ANKFN1: variants seen among roughly 807,000 people sequenced by gnomAD.
The protein encoded by ANKFN1 is ankyrin repeat and fibronectin type III domain containing 1.
Under a neutral mutation model 108.7 loss-of-function variants are expected in ANKFN1, and 74 were observed. The ratio of observed to expected loss-of-function variants is 0.68; its 90% CI spans 0.56 to 0.83. The LOEUF (loss-of-function observed/expected upper bound fraction) is 0.83. ANKFN1 is among the 40% of genes least tolerant of loss of function. The pLI is 0.00. For synonymous variants in ANKFN1, 547 were observed against 516.2 expected (o/e 1.06, Z -0.81); for missense variants, 1,505 against 1,382.3 (o/e 1.09, Z -1.41).
chr17:56,274,457 C>A (rs544693736), intron 3 of ANKFN1, among the ~76,000 whole-genome samples: 1 of 152,118 alleles, frequency 6.6e-6, no homozygotes, highest in South Asian at 2.1e-4. Context: ...TGGGCGACAG[C>A]GCGAGACTCC....
chr17:56,408,641 G>T (rs1375959257), intron 8 of ANKFN1, among the ~76,000 whole-genome samples: 2 of 152,144 alleles, frequency 1.3e-5, no homozygotes, highest in Non-Finnish European at 2.9e-5. Flanking sequence ...ACTAATGAAA[G>T]ATTTTATTTC....
rs186461493 is a variant in ANKFN1, at chr17:56,494,286, A to G, written c.2427+1933A>G. Among the ~76,000 whole-genome samples the G allele has an allele frequency of 1.2e-4, 19 of 152,328 alleles. No homozygotes were observed. In the East Asian group the frequency reaches 1.7e-3, roughly 14 times the overall value. ...TTTCTCCATTGGTCTGAGAATGTAG[A>G]ATTTAAACATTCAAAACATTTACTT... is the stretch of plus-strand genomic sequence containing the variant. On this transcript the variant is annotated intron_variant, in intron 19 of 20. Coordinates refer to ENST00000682825, the MANE Select transcript of ANKFN1 (RefSeq NM_001370326.1).
At position 56,066,239 on chromosome 17, in the gene ANKFN1, T is replaced by G. The variant is rs368017286; in HGVS notation, c.288+19914T>G. 5.9e-5 allele frequency among the ~76,000 whole-genome samples: 9 copies of G among 152,334 alleles called. No homozygotes were observed. In the East Asian group the frequency reaches 9.6e-4, roughly 16 times the overall value. On this transcript the variant is annotated intron_variant, in intron 4 of 12. Coordinates refer to the ANKFN1 transcript ENST00000635860. ...AGGCAAGTTCCTAAAGGAAGAAGGC[T>G]TGGAGAAATATCACCATTGGGGAAG...
intron 8 of ANKFN1, among the ~76,000 whole-genome samples, chr17:56,412,388 A>G (rs1410426176): frequency 1.3e-5 from 2 of 152,022 alleles, no homozygotes; most frequent in Admixed American, 6.6e-5. Flanking sequence ...ACTTGATTGG[A>G]TTGAAGGATG....
At chr17:56,151,057 A>T (rs1451018068), upstream of ANKFN1, among the ~76,000 whole-genome samples, 1 of 152,038 alleles carries the variant, frequency 6.6e-6, no homozygotes, top group Non-Finnish European at 1.5e-5. Context: ...CCCACTAGGG[A>T]AGTTGTGGCT....
chr17:56,064,903 A>G (rs955754509), intron 4 of ANKFN1, among the ~76,000 whole-genome samples: 5 of 152,190 alleles, frequency 3.3e-5, no homozygotes, highest in African/African-American at 9.7e-5. Flanking sequence ...ATTCTGTGGA[A>G]AAAGCATGGT....
chr17:56,430,039 G>GT (rs1359459457), intron 8 of ANKFN1, among the ~76,000 whole-genome samples: 1 of 152,138 alleles, frequency 6.6e-6, no homozygotes, highest in Non-Finnish European at 1.5e-5. Context: ...ACTTGAGTAG[G>GT]TTTTTGACAA....
At chr17:56,382,922 A>G (rs1425537280) in intron 8 of ANKFN1, among the ~76,000 whole-genome samples, 1 of 152,204 alleles carries the variant, frequency 6.6e-6, no homozygotes, top group African/African-American at 2.4e-5. Context: ...AAGATCAATG[A>G]GACAGGAAGT....
At chr17:56,439,951 A>G (rs2049044431) in intron 8 of ANKFN1, among the ~76,000 whole-genome samples, 1 of 152,162 alleles carries the variant, frequency 6.6e-6, no homozygotes, top group Non-Finnish European at 1.5e-5. Context: ...ACACATACAC[A>G]CACAAATGCA....
intron 3 of ANKFN1, among the ~76,000 whole-genome samples, chr17:56,272,334 C>T (rs2043814467): frequency 6.6e-6 from 1 of 152,122 alleles, no homozygotes; most frequent in African/African-American, 2.4e-5. Flanking sequence ...TTCCTGGGAA[C>T]CACAATTCTA....
intron 2 of ANKFN1, among the ~76,000 whole-genome samples, chr17:56,224,472 A>G (rs1253366978): frequency 6.6e-6 from 1 of 152,200 alleles, no homozygotes; most frequent in Admixed American, 6.5e-5. Context: ...GGTATATAGA[A>G]GATTTTACTC....
At chr17:56,440,032 T>G (rs1043233664) in intron 8 of ANKFN1, among the ~76,000 whole-genome samples, 1 of 152,144 alleles carries the variant, frequency 6.6e-6, no homozygotes, top group African/African-American at 2.4e-5. Context: ...CATCTGACAT[T>G]AAGAACATCA....
At chr17:56,147,929 C>G (rs1454162148) in intron 4 of ANKFN1, among the ~76,000 whole-genome samples, 1 of 152,180 alleles carries the variant, frequency 6.6e-6, no homozygotes, top group Non-Finnish European at 1.5e-5. Flanking sequence ...TCTGCTGGAT[C>G]CTTCTTCTCT....
chr17:56,504,929 T>A (rs146073008), intron 20 of ANKFN1, among the ~76,000 whole-genome samples: 211 of 148,604 alleles, frequency 1.4e-3, no homozygotes, highest in African/African-American at 4.8e-3. Context: ...CGCCTCGGCC[T>A]CCCAAAGTGC....
intron 12 of ANKFN1, 99 bp downstream of exon 12, chr17:56,457,059 A>C: frequency 7.9e-7 from 1 of 1,269,722 alleles, no homozygotes; most frequent in Non-Finnish European, 1.1e-6. Flanking sequence ...TTGTGTTCAA[A>C]ACAATAAAAT....
intron 8 of ANKFN1, among the ~76,000 whole-genome samples, chr17:56,376,377 G>T (rs1362783075): frequency 1.3e-5 from 2 of 152,152 alleles, no homozygotes; most frequent in African/African-American, 4.8e-5. Flanking sequence ...ACTAAGGACA[G>T]CAGATAAATG....
At chr17:56,316,830 T>C (rs893057311) in intron 3 of ANKFN1, among the ~76,000 whole-genome samples, 4 of 152,208 alleles carry the variant, frequency 2.6e-5, no homozygotes, top group African/African-American at 9.7e-5. Flanking sequence ...TCCTGTGCTA[T>C]ACTGTAAGCA....
At chr17:56,367,042 A>T (rs2144744319) in intron 6 of ANKFN1, among the ~76,000 whole-genome samples, 1 of 152,358 alleles carries the variant, frequency 6.6e-6, no homozygotes, top group South Asian at 2.1e-4. Context: ...TAACTCTGAG[A>T]TTAAATGATT....
intron 1 of ANKFN1, among the ~76,000 whole-genome samples, chr17:56,153,979 C>T (rs534302552): frequency 6.6e-6 from 1 of 152,074 alleles, no homozygotes; most frequent in Non-Finnish European, 1.5e-5. Context: ...TTTTTATGGA[C>T]TTTATTGTCA....
Sources: allele counts gnomAD v4.1 joint callset (sites outside exome capture counted in the v4.1 genomes callset), GRCh38; gene constraint gnomAD v4.1.1; transcripts MANE v1.5; gene names NCBI Gene and HGNC (gene_info 2026-07-23, HGNC 2026-07-21).